CHD2: variants seen among roughly 807,000 people sequenced by gnomAD.
The protein encoded by CHD2 is ATP-dependent chromatin remodeler CHD2.
A neutral mutation model predicts 243.9 loss-of-function variants in CHD2; 28 were observed. That is an observed-to-expected ratio of 0.11 (90% CI 0.09 to 0.16). The LOEUF (loss-of-function observed/expected upper bound fraction) is 0.16. Among genes scored for constraint, CHD2 ranks in the 10% least tolerant of loss-of-function variants. The pLI is 1.00. For synonymous variants in CHD2, 775 were observed against 779.0 expected, an observed-to-expected ratio of 0.99 and a Z score of 0.09; for missense variants, 1,386 against 2,209.8, an observed-to-expected ratio of 0.63 and a Z score of 7.47.
At chr15:92,991,214 C>A in intron 26 of CHD2, 1 of 368,206 alleles carries the variant, frequency 2.7e-6, no homozygotes, top group Non-Finnish European at 4.9e-6. Flanking sequence ...AGTTCTCTAG[C>A]ATGTTATCTA....
chr15:93,008,344 C>G (rs1269303550), intron 34 of CHD2, among the ~76,000 whole-genome samples: 1 of 152,138 alleles, frequency 6.6e-6, no homozygotes, highest in African/African-American at 2.4e-5. Flanking sequence ...GAGAATAAGT[C>G]TTTATATTTG....
intron 2 of CHD2, chr15:92,904,971 ACATTTTCTCAGTTGG>A: frequency 6.5e-7 from 1 of 1,536,088 alleles, no homozygotes; most frequent in South Asian, 1.2e-5. Context: ...TTGGTACCGT[ACATTTTCTCAGTTGG>A]CATTTGATGG....
Position 92,997,463 on chromosome 15 carries a change from C to A in CHD2, c.3885+60C>A. On this transcript the variant is annotated intron_variant, in intron 30 of 38. Coordinates refer to ENST00000394196, the MANE Select transcript of CHD2 (RefSeq NM_001271.4). The surrounding 1 kb of genome is among the most constrained non-coding windows in gnomAD (Gnocchi z 4.1). ...GATTTGTTGTGTAATATTTTTATATCGATTACTTATTTCTAACTATTTTCG... is the reference window on the plus strand; with the variant it reads ...GATTTGTTGTGTAATATTTTTATATAGATTACTTATTTCTAACTATTTTCG... 2.1e-6 allele frequency: 3 copies of A among 1,415,832 alleles called. No individual in the cohort carries two copies. The South Asian group carries it at 4.6e-5, about 22-fold the overall frequency. 87.7% of individuals were successfully genotyped at this position (1,415,832 alleles called of 1,614,324 possible). A position where few individuals can be genotyped will look rare whatever the true frequency, so the allele number is the denominator to read the frequency against.
intron 7 of CHD2, 77 bp downstream of exon 7, chr15:92,939,795 G>A (rs1299025685): frequency 2.7e-6 from 4 of 1,474,426 alleles, no homozygotes; most frequent in African/African-American, 2.8e-5. Context: ...TCATAAGTCC[G>A]GGGTTGTGCA....
At chr15:92,931,863 CTTT>C (rs34215273) in intron 5 of CHD2, among the ~76,000 whole-genome samples, 7 of 134,468 alleles carry the variant, frequency 5.2e-5, no homozygotes, top group Non-Finnish European at 6.4e-5. Flanking sequence ...TGCTGACGTA[CTTT>C]TTTTTTTTTT....
At chr15:92,981,080 G>A (rs1292472159) in intron 23 of CHD2, among the ~76,000 whole-genome samples, 169 bp downstream of exon 23, 1 of 152,174 alleles carries the variant, frequency 6.6e-6, no homozygotes, top group African/African-American at 2.4e-5. Flanking sequence ...AAATTGAGTA[G>A]GAAGGAATTA....
In CHD2 at chr15:92,937,631, C is replaced by T; in HGVS notation, c.551+6C>T. ...AGAAGACCTGTCCCCAGAAGGTGCA[C>T]TGTTTGCTTAAGATCTCTACTTGGG... On this transcript the variant is annotated splice_donor_region_variant and intron_variant, in intron 6 of 38. Coordinates refer to ENST00000394196, the MANE Select transcript of CHD2 (RefSeq NM_001271.4). 2 of 1,604,844 alleles carry T rather than the reference C, an allele frequency of 1.2e-6. No individual in the cohort carries two copies. The highest frequency in any genetic ancestry group is 8.5e-7 in the Non-Finnish European group (1 of 1,173,274).
Position 93,024,773 on chromosome 15 carries a change from T to C in CHD2, c.*68T>C. On this transcript the variant is annotated 3_prime_UTR_variant, in exon 39 of 39. Transcript: ENST00000394196. The stretch of plus-strand genomic sequence containing the variant: ...GGATATTTTTGGTCTGATCCTACAG[T>C]AGCCGGTTATCTAGACCAGTAAGTG... The C allele has an allele frequency of 7.4e-7, 1 of 1,344,858 alleles. No individual in the cohort carries two copies. Among genetic ancestry groups the C allele is most frequent in the South Asian group, 1.4e-5 (1 of 71,476 alleles). 83.3% of individuals were successfully genotyped at this position (1,344,858 alleles called of 1,614,324 possible).
intron 5 of CHD2, among the ~76,000 whole-genome samples, chr15:92,932,197 T>G (rs1395432990): frequency 6.6e-6 from 1 of 152,186 alleles, no homozygotes; most frequent in Non-Finnish European, 1.5e-5. Flanking sequence ...ATTTCAGTTT[T>G]GTCAATTAAC....
Position 92,939,736 on chromosome 15 carries a change from A to C in CHD2, c.692+18A>C. 6.2e-7 allele frequency: 1 copy of C among 1,610,654 alleles called. No individual in the cohort carries two copies. Among genetic ancestry groups the C allele is most frequent in the Non-Finnish European group, 8.5e-7 (1 of 1,179,234 alleles). On this transcript the variant is annotated intron_variant, in intron 7 of 38. Transcript: ENST00000394196. ...AACGTTAGGTAAGTTGTACCCCAGA[A>C]GTGTTTCACTGGTGTGATGTGATAA...
At chr15:92,928,271 A>G (rs1281134343) in intron 4 of CHD2, among the ~76,000 whole-genome samples, 2 of 152,228 alleles carry the variant, frequency 1.3e-5, no homozygotes, top group African/African-American at 4.8e-5. Context: ...GCACTAGGTT[A>G]CTGAGCCATG....
intron 34 of CHD2, among the ~76,000 whole-genome samples, chr15:93,005,690 T>C (rs2054311400): frequency 6.6e-6 from 1 of 152,248 alleles, no homozygotes; most frequent in Admixed American, 6.5e-5. Context: ...TTCTTTGCAC[T>C]TAACTCTGTT....
At chr15:92,941,149 C>T (rs1260302896) in intron 7 of CHD2, among the ~76,000 whole-genome samples, 1 of 150,858 alleles carries the variant, frequency 6.6e-6, no homozygotes, top group East Asian at 1.9e-4. Flanking sequence ...TTACAGGCGC[C>T]CACCATGCCG....
intron 14 of CHD2, chr15:92,954,449 A>G (rs1439993996): frequency 6.6e-6 from 1 of 152,248 alleles, no homozygotes; most frequent in Non-Finnish European, 1.5e-5. Flanking sequence ...TTTGAGTTGC[A>G]TGTTGTAACC....
chr15:93,012,470 C>T, intron 36 of CHD2, 26 bp downstream of exon 36: 4 of 1,479,508 alleles, frequency 2.7e-6, no homozygotes, highest in Non-Finnish European at 3.7e-6. Context: ...AGTCCTAATT[C>T]ATACAAACAA....
At chr15:92,904,988 A>G (rs1158234856) in intron 2 of CHD2, 3 of 1,536,050 alleles carry the variant, frequency 2.0e-6, no homozygotes, top group Non-Finnish European at 1.7e-6. Flanking sequence ...CTCAGTTGGC[A>G]TTTGATGGAG....
chr15:92,913,717 C>T (rs1389350469), intron 2 of CHD2, among the ~76,000 whole-genome samples: 2 of 152,110 alleles, frequency 1.3e-5, no homozygotes, highest in Non-Finnish European at 2.9e-5. Flanking sequence ...CCGGGTGTGG[C>T]AGTATGCACC....
intron 13 of CHD2, among the ~76,000 whole-genome samples, chr15:92,949,967 T>C (rs1034109319): frequency 4.6e-5 from 7 of 152,198 alleles, no homozygotes; most frequent in South Asian, 2.1e-4. Context: ...CTGATTCCGA[T>C]TGGCTAAAAG....
chr15:92,922,379 G>A (rs1185002690), intron 2 of CHD2, among the ~76,000 whole-genome samples: 1 of 152,146 alleles, frequency 6.6e-6, no homozygotes, highest in African/African-American at 2.4e-5. Flanking sequence ...AGGTGATCAG[G>A]AAGTTACATG....
Sources: gnomAD v4.1 joint callset for allele counts (sites outside exome capture counted in the v4.1 genomes callset) on GRCh38, gnomAD v4.1.1 for gene constraint, Gnocchi (gnomAD v3.1) non-coding constraint, MANE v1.5 for transcripts, NCBI Gene and HGNC (gene_info 2026-07-23, HGNC 2026-07-21) for gene names.